MYO16: variants seen among roughly 807,000 people sequenced by gnomAD.
MYO16 encodes the protein myosin XVI.
Under a neutral mutation model 205.3 loss-of-function variants are expected in MYO16, and 94 were observed. That is an observed-to-expected ratio of 0.46 (90% CI 0.39 to 0.54). The LOEUF (loss-of-function observed/expected upper bound fraction) is 0.54. MYO16 is among the 20% of genes least tolerant of loss of function. The probability of loss-of-function intolerance (pLI) is 0.00; values close to 1 mark genes in which losing one functional copy is unlikely to be tolerated. For synonymous variants in MYO16, 988 were observed against 954.0 expected (o/e 1.04, Z -0.66); for missense variants, 2,315 against 2,387.5 (o/e 0.97, Z 0.63).
chr13:108,722,661 C>T (rs1429204544), intron 3 of MYO16, among the ~76,000 whole-genome samples: 1 of 152,134 alleles, frequency 6.6e-6, no homozygotes, highest in Non-Finnish European at 1.5e-5. Context: ...ATTGATTATA[C>T]GCTGAGCTAT....
chr13:108,887,384 T>C (rs1879953082), intron 13 of MYO16, among the ~76,000 whole-genome samples: 1 of 152,192 alleles, frequency 6.6e-6, no homozygotes, highest in Admixed American at 6.5e-5. Context: ...AAGGAAGCTC[T>C]CCTAAAAGGG....
chr13:108,697,856 G>A (rs1022829697), intron 2 of MYO16, among the ~76,000 whole-genome samples: 1 of 151,966 alleles, frequency 6.6e-6, no homozygotes, highest in African/African-American at 2.4e-5. Context: ...CCCAGTAGCT[G>A]GGGCTACAGG....
chr13:109,012,389 G>A (rs1008945741), intron 22 of MYO16, among the ~76,000 whole-genome samples: 1 of 152,082 alleles, frequency 6.6e-6, no homozygotes, highest in African/African-American at 2.4e-5. Flanking sequence ...TCAAATCAGT[G>A]GCAGCATTAG....
intron 20 of MYO16, among the ~76,000 whole-genome samples, chr13:108,975,390 T>C (rs1884216091): frequency 6.6e-6 from 1 of 152,176 alleles, no homozygotes; most frequent in Non-Finnish European, 1.5e-5. Context: ...ATGCAATTTA[T>C]GACTTTTTAA....
intron 2 of MYO16, among the ~76,000 whole-genome samples, chr13:108,684,671 G>A (rs1379054142): frequency 6.6e-6 from 1 of 152,114 alleles, no homozygotes; most frequent in African/African-American, 2.4e-5. Context: ...TTATGAGCTT[G>A]GAATTCTCAG....
intron 31 of MYO16, among the ~76,000 whole-genome samples, chr13:109,134,615 C>G (rs979778240): frequency 6.6e-6 from 1 of 152,212 alleles, no homozygotes; most frequent in African/African-American, 2.4e-5. Context: ...TCTGCATTGC[C>G]TGGGCAGCAT....
intron 27 of MYO16, among the ~76,000 whole-genome samples, chr13:109,093,840 G>T (rs1041371857): frequency 6.6e-6 from 1 of 151,946 alleles, no homozygotes; most frequent in Non-Finnish European, 1.5e-5. Flanking sequence ...CTCTCCAGCC[G>T]CACTCAGCCT....
At chr13:108,793,883 T>A (rs1369626582) in intron 6 of MYO16, among the ~76,000 whole-genome samples, 1 of 152,188 alleles carries the variant, frequency 6.6e-6, no homozygotes, top group African/African-American at 2.4e-5. Context: ...CGCATGCGTA[T>A]GTTCATCCCA....
chr13:109,018,704 G>C (rs1326739499), intron 22 of MYO16, among the ~76,000 whole-genome samples: 1 of 152,190 alleles, frequency 6.6e-6, no homozygotes, highest in Non-Finnish European at 1.5e-5. Flanking sequence ...GGAGTACCCC[G>C]ATTTTCCTGG....
chr13:108,506,496 T>A, the MYO16 span, among the ~76,000 whole-genome samples: 1 of 152,120 alleles, frequency 6.6e-6, no homozygotes, highest in Admixed American at 6.5e-5. Flanking sequence ...CAACTTCTTT[T>A]TGCATGTCAA....
chr13:108,795,271 A>G (rs1473867785), intron 6 of MYO16, among the ~76,000 whole-genome samples: 1 of 151,668 alleles, frequency 6.6e-6, no homozygotes, highest in Non-Finnish European at 1.5e-5. Context: ...GGCTCACTGC[A>G]ACCTCCACCT....
chr13:108,822,337 A>T (rs1286156350), intron 8 of MYO16, among the ~76,000 whole-genome samples: 1 of 152,164 alleles, frequency 6.6e-6, no homozygotes, highest in Non-Finnish European at 1.5e-5. Context: ...TGGCAGCTAC[A>T]TTACTGTGAC....
At chr13:108,939,935 A>G (rs1048729739) in intron 16 of MYO16, among the ~76,000 whole-genome samples, 12 of 152,166 alleles carry the variant, frequency 7.9e-5, no homozygotes, top group Non-Finnish European at 1.6e-4. Context: ...ATCTAAGTAG[A>G]GGAGAATTTG....
chr13:108,717,772 G>A (rs1328801763), intron 3 of MYO16, among the ~76,000 whole-genome samples: 1 of 152,028 alleles, frequency 6.6e-6, no homozygotes, highest in African/African-American at 2.4e-5. Context: ...CCTTTTAACA[G>A]CCAACGGAGG....
intron 4 of MYO16, among the ~76,000 whole-genome samples, chr13:108,775,361 T>C (rs1886091042): frequency 6.6e-6 from 1 of 152,200 alleles, no homozygotes. Context: ...AAGTTTGTAT[T>C]TTGGAAGAGA....
rs1220102420 is a variant in MYO16 at position 109,141,235 on chromosome 13, A to T, written c.5023A>T (p.Ser1675Cys). Residue 1675 changes from serine (S) to cysteine (C), a missense_variant, in exon 32 of 35, where the codon AGT (serine) becomes TGT (cysteine). Ser to Cys is a moderately radical substitution (Grantham distance 112). Around this residue, in one of 3 missense-constraint regions of MYO16, gnomAD observed 1,097 missense variants for 1,092.0 expected, o/e 1.00. Coordinates refer to ENST00000457511, the MANE Select transcript of MYO16 (RefSeq NM_001198950.3). The surrounding 1 kb of genome is among the most constrained non-coding windows in gnomAD (Gnocchi z 4.1). Reference sequence around the variant, plus strand: ...GGCGGACGCCAGGAAGGCCGGCTCCAGTGCCTCGCCCCCCGCGCCCTACAG... The same window carrying T: ...GGCGGACGCCAGGAAGGCCGGCTCCTGTGCCTCGCCCCCCGCGCCCTACAG... The part of the protein sequence containing the change: ...TRADARKAGS[S>C]ASPPAPYSPP... 3 of 1,605,906 alleles carry T rather than the reference A, an allele frequency of 1.9e-6. No individual in the cohort carries two copies. Among genetic ancestry groups the T allele is most frequent in the Admixed American group, 3.4e-5 (2 of 59,558 alleles).
chr13:108,802,594 G>A (rs866802291), intron 6 of MYO16, among the ~76,000 whole-genome samples: 4 of 152,152 alleles, frequency 2.6e-5, no homozygotes, highest in African/African-American at 4.8e-5. Flanking sequence ...ATATATACCA[G>A]AGTGGGGTTT....
the MYO16 span, among the ~76,000 whole-genome samples, chr13:108,518,806 A>G: frequency 0.33 from 50,458 of 152,104 alleles, 10,308 homozygotes; most frequent in African/African-American, 0.58. Flanking sequence ...TTACCTCATT[A>G]GGACAATTTT....
intron 28 of MYO16, among the ~76,000 whole-genome samples, chr13:109,103,330 A>G (rs1156819482): frequency 6.6e-6 from 1 of 152,164 alleles, no homozygotes; most frequent in East Asian, 1.9e-4. Context: ...AGGGACAACA[A>G]GGTTGTATCG....
Sources: allele counts gnomAD v4.1 joint callset (sites outside exome capture counted in the v4.1 genomes callset), GRCh38; gene constraint gnomAD v4.1.1; regional missense constraint gnomAD v4.1.1; non-coding constraint Gnocchi (gnomAD v3.1); transcripts MANE v1.5; gene names NCBI Gene and HGNC (gene_info 2026-07-23, HGNC 2026-07-21).